The following METTL16 variants were observed in gnomAD, a reference collection of about 807,000 sequenced individuals.
METTL16 encodes methyltransferase 16, RNA N6-adenosine, also known as RNA N(6)-adenosine-methyltransferase METTL16.
In METTL16, 19 loss-of-function variants were observed where a neutral mutation model predicts 57.9. The ratio of observed to expected loss-of-function variants is 0.33; its 90% CI spans 0.23 to 0.48. METTL16 has a LOEUF of 0.48. Ranked by LOEUF, METTL16 falls within the 20% of genes least tolerant of loss-of-function variation. The pLI is 0.99. For missense variants in METTL16, 434 were observed against 691.5 expected (o/e 0.63, Z 4.18); for synonymous variants, 246 against 255.6 (o/e 0.96, Z 0.36).
At chr17:2,426,353 A>G (rs2151542283) in intron 8 of METTL16, among the ~76,000 whole-genome samples, 1 of 152,306 alleles carries the variant, frequency 6.6e-6, no homozygotes, top group Middle Eastern at 3.4e-3. Flanking sequence ...CACCACACCC[A>G]GCCCATTTCT....
At chr17:2,503,096 G>C (rs1271508733) in intron 1 of METTL16, among the ~76,000 whole-genome samples, 1 of 152,096 alleles carries the variant, frequency 6.6e-6, no homozygotes, top group Non-Finnish European at 1.5e-5. Flanking sequence ...CCACTCCTAG[G>C]TATATTCCCA....
At chr17:2,447,211 T>TG (rs1209526489) in intron 6 of METTL16, among the ~76,000 whole-genome samples, 1 of 143,278 alleles carries the variant, frequency 7.0e-6, no homozygotes, top group Non-Finnish European at 1.5e-5. Context: ...GTCTGAGATG[T>TG]GGGGAGCACC....
At chr17:2,427,689 C>G (rs1046645064) in intron 8 of METTL16, among the ~76,000 whole-genome samples, 1 of 152,006 alleles carries the variant, frequency 6.6e-6, no homozygotes, top group Non-Finnish European at 1.5e-5. Flanking sequence ...GTGATCCCCC[C>G]GCCTCAGCCT....
At chr17:2,510,686 G>A (rs2067581142) in intron 1 of METTL16, among the ~76,000 whole-genome samples, 1 of 151,276 alleles carries the variant, frequency 6.6e-6, no homozygotes, top group Non-Finnish European at 1.5e-5. Flanking sequence ...TTCTTGTTGA[G>A]ACAAGGTCTT....
chr17:2,482,899 G>A (rs746108240), intron 2 of METTL16, among the ~76,000 whole-genome samples: 5 of 151,760 alleles, frequency 3.3e-5, no homozygotes, highest in East Asian at 3.9e-4. Flanking sequence ...TGACAGAGTG[G>A]GACCCTGTCT....
intron 8 of METTL16, among the ~76,000 whole-genome samples, chr17:2,424,980 C>T (rs2066807870): frequency 6.6e-6 from 1 of 152,052 alleles, no homozygotes; most frequent in Admixed American, 6.6e-5. Context: ...AATTCATACT[C>T]CAGGAGTTCT....
chr17:2,440,076 G>C (rs571972102), intron 7 of METTL16, among the ~76,000 whole-genome samples: 1 of 152,258 alleles, frequency 6.6e-6, no homozygotes, highest in South Asian at 2.1e-4. Flanking sequence ...GGGCAACACA[G>C]AGAGACCTTG....
chr17:2,504,239 T>C (rs570479283), intron 1 of METTL16, among the ~76,000 whole-genome samples: 22 of 152,288 alleles, frequency 1.4e-4, no homozygotes, highest in African/African-American at 5.3e-4. Context: ...GAGGAGTTAC[T>C]GTTTAATAGG....
Position 2,467,770 on chromosome 17 carries a change from C to T in METTL16, c.576G>A (p.Leu192=). The stretch of plus-strand genomic sequence containing the variant: ...GCAGAAGACATTTTACCTTGGCTTC[C>T]AATTGATTGGCAAAAAAGGGAGGGT... ...MCNPPFFANQ[L]EAKGVNSRNP... is the part of the protein sequence containing the mutation. The change falls in exon 5 of 10, where the codon TTG becomes TTA. Residue 192 remains leucine (L), a synonymous_variant. Coordinates refer to ENST00000263092, the MANE Select transcript of METTL16 (RefSeq NM_024086.4). 6.2e-7 allele frequency: 1 copy of T among 1,613,032 alleles called. No homozygotes were observed. Among genetic ancestry groups the T allele is most frequent in the Admixed American group, 1.7e-5 (1 of 60,004 alleles).
chr17:2,439,210 A>G (rs1055323665), intron 7 of METTL16, among the ~76,000 whole-genome samples: 5 of 152,116 alleles, frequency 3.3e-5, no homozygotes, highest in Admixed American at 1.3e-4. Context: ...TCCGGGCTCA[A>G]TGGATCCTCC....
At chr17:2,438,819 T>C (rs746929963) in intron 7 of METTL16, among the ~76,000 whole-genome samples, 11 of 152,196 alleles carry the variant, frequency 7.2e-5, no homozygotes, top group Non-Finnish European at 1.5e-4. Flanking sequence ...TTTTCTTTTT[T>C]AGAAAGAAAG....
In METTL16 at chr17:2,416,802, G is replaced by C. The variant is rs926126823; in HGVS notation, c.*3168C>G. 1 of 152,140 alleles carries C rather than the reference G, an allele frequency of 6.6e-6. No individual in the cohort carries two copies. Among genetic ancestry groups the C allele is most frequent in the Non-Finnish European group, 1.5e-5 (1 of 68,072 alleles). 9.4% of individuals were successfully genotyped at this position (152,140 alleles called of 1,614,324 possible). A position where few individuals can be genotyped will look rare whatever the true frequency, so the allele number is the denominator to read the frequency against. On this transcript the variant is annotated 3_prime_UTR_variant, in exon 10 of 10. Coordinates refer to ENST00000263092, the MANE Select transcript of METTL16 (RefSeq NM_024086.4). ...GGACACCGGGAGAGTAACACTCAAG[G>C]TTATGACATATGAGTCAATAACCCA... is the stretch of plus-strand genomic sequence containing the variant.
At chr17:2,448,207 G>A (rs2067029358) in intron 6 of METTL16, among the ~76,000 whole-genome samples, 2 of 116,652 alleles carry the variant, frequency 1.7e-5, no homozygotes, top group Admixed American at 9.0e-5. Context: ...GAAGTGAGGA[G>A]CCCCTCTGCC....
intron 1 of METTL16, among the ~76,000 whole-genome samples, chr17:2,507,100 C>T (rs1414668095): frequency 1.3e-5 from 2 of 151,114 alleles, no homozygotes; most frequent in South Asian, 4.2e-4. Context: ...GCCTGGCCAG[C>T]CGCCCCGTCC....
rs1002482437 is a variant in METTL16, at chr17:2,419,280, G to T, written c.*690C>A. Reference sequence around the variant, plus strand: ...ATGGTACTGTCAACAGGCTGGAGGTGGGGGTATGGGTGCCTTCTGTGTGCC... The same window carrying T: ...ATGGTACTGTCAACAGGCTGGAGGTTGGGGTATGGGTGCCTTCTGTGTGCC... On this transcript the variant is annotated 3_prime_UTR_variant, in exon 10 of 10. Coordinates refer to ENST00000263092, the MANE Select transcript of METTL16 (RefSeq NM_024086.4). The T allele has an allele frequency of 2.2e-5, 4 of 182,322 alleles. No individual in the cohort carries two copies. The highest frequency in any genetic ancestry group is 9.5e-5 in the African/African-American group (4 of 42,128). The allele number at this position is 182,322 out of a possible 1,614,324, so 11.3% of individuals were successfully genotyped here.
At chr17:2,511,156 G>C (rs2067584131) in intron 1 of METTL16, among the ~76,000 whole-genome samples, 1 of 151,026 alleles carries the variant, frequency 6.6e-6, no homozygotes, top group Admixed American at 6.6e-5. Context: ...TTTTCTTCCC[G>C]GTTACTTGAG....
At chr17:2,491,649 G>A (rs1201770069) in intron 2 of METTL16, among the ~76,000 whole-genome samples, 1 of 150,366 alleles carries the variant, frequency 6.7e-6, no homozygotes, top group Non-Finnish European at 1.5e-5. Context: ...GCCAAGGCGG[G>A]TGAATCACGA....
chr17:2,438,088 C>G, intron 8 of METTL16, 21 bp downstream of exon 8: 1 of 1,572,186 alleles, frequency 6.4e-7, no homozygotes, highest in Non-Finnish European at 8.8e-7. Context: ...GGTGGTGAAG[C>G]GGAGCAAGGT....
chr17:2,477,507 T>G, intron 3 of METTL16, 179 bp downstream of exon 3: 1 of 600,532 alleles, frequency 1.7e-6, no homozygotes, highest in Non-Finnish European at 2.9e-6. Flanking sequence ...AACACATCAG[T>G]GCTCAAAGGT....
Sources: allele counts gnomAD v4.1 joint callset (sites outside exome capture counted in the v4.1 genomes callset), GRCh38; gene constraint gnomAD v4.1.1; transcripts MANE v1.5; gene names NCBI Gene and HGNC (gene_info 2026-07-23, HGNC 2026-07-21).